Variants in SPTBN1 observed in about 807,000 individuals in gnomAD.
The protein encoded by SPTBN1 is spectrin beta chain, non-erythrocytic 1.
A neutral mutation model predicts 266.4 loss-of-function variants in SPTBN1; 32 were observed. The ratio of observed to expected loss-of-function variants is 0.12; its 90% CI spans 0.09 to 0.16. The LOEUF is 0.16. SPTBN1 is among the 10% of genes least tolerant of loss of function. The pLI is 1.00. For missense variants in SPTBN1, 2,296 were observed against 3,067.1 expected, an observed-to-expected ratio of 0.75 and a Z score of 5.94; for synonymous variants, 1,336 against 1,162.2, an observed-to-expected ratio of 1.15 and a Z score of -3.04.
chr2:54,497,284 T>A (rs190231776), intron 1 of SPTBN1, among the ~76,000 whole-genome samples: 31 of 152,348 alleles, frequency 2.0e-4, no homozygotes, highest in Admixed American at 1.6e-3. Context: ...ACAGGTATTA[T>A]ATTGGCTTCA....
At chr2:54,585,786 G>A (rs1429902527) in intron 2 of SPTBN1, among the ~76,000 whole-genome samples, 1 of 152,140 alleles carries the variant, frequency 6.6e-6, no homozygotes, top group East Asian at 1.9e-4. Flanking sequence ...GGTTGCTGTG[G>A]ACTAATCCAA....
intron 4 of SPTBN1, 66 bp from the exon 5 acceptor site, chr2:54,616,141 G>T: frequency 7.2e-7 from 1 of 1,386,430 alleles, no homozygotes; most frequent in East Asian, 2.4e-5. Context: ...ATGCAGACCT[G>T]TTCTTCAGTG....
intron 2 of SPTBN1, among the ~76,000 whole-genome samples, chr2:54,578,546 A>G (rs1378441737): frequency 6.6e-6 from 1 of 152,160 alleles, no homozygotes; most frequent in Non-Finnish European, 1.5e-5. Flanking sequence ...GAGTTTCCCC[A>G]TAGCAGATAT....
chr2:54,587,282 T>C (rs1354671039), intron 2 of SPTBN1, among the ~76,000 whole-genome samples: 1 of 152,200 alleles, frequency 6.6e-6, no homozygotes, highest in Non-Finnish European at 1.5e-5. Flanking sequence ...GAATGTAATA[T>C]TTACTGCTTC....
In SPTBN1 at chr2:54,644,509, G is replaced by A. The variant is rs754643448; in HGVS notation, c.4192G>A (p.Gly1398Ser). Residue 1398 changes from glycine (G) to serine (S), a missense_variant, in exon 20 of 36, where the codon GGC (glycine) becomes AGC (serine). Physicochemically the swap from Gly to Ser is moderately conservative, Grantham distance 56. Coordinates refer to ENST00000356805, the MANE Select transcript of SPTBN1 (RefSeq NM_003128.3). ...TGCAGATCTAGACAAATGGCTGCAC[G>A]GCCTGGAGAGTCAGATTCAGTCTGA... ...SCADLDKWLH[G>S]LESQIQSDDY... The A allele has an allele frequency of 8.1e-6, 13 of 1,614,146 alleles. No individual in the cohort carries two copies. In the South Asian group the frequency reaches 1.1e-4, roughly 14 times the overall value.
rs139288155 is a variant in SPTBN1 at position 54,473,411 on chromosome 2, C to A, written c.-48+16893C>A. On this transcript the variant is annotated intron_variant, in intron 1 of 35. Coordinates refer to ENST00000356805, the MANE Select transcript of SPTBN1 (RefSeq NM_003128.3). ...AAATGAATTCTATATGGCATTGTTGCCATGTTGGAAAATTTCTTTATTGAG... is the reference window on the plus strand; with the variant it reads ...AAATGAATTCTATATGGCATTGTTGACATGTTGGAAAATTTCTTTATTGAG... Among the ~76,000 whole-genome samples, 37 of 152,104 alleles carry A rather than the reference C, an allele frequency of 2.4e-4. No individual in the cohort carries two copies. In the East Asian group the frequency reaches 6.9e-3, roughly 29 times the overall value.
chr2:54,570,496 G>C (rs1398874084), intron 2 of SPTBN1, among the ~76,000 whole-genome samples: 4 of 152,188 alleles, frequency 2.6e-5, no homozygotes. Flanking sequence ...TTCTACGCTG[G>C]TGGCAAGGAA....
At position 54,646,783 on chromosome 2, in the gene SPTBN1, G is replaced by A. The variant is rs1381743523; in HGVS notation, c.4866+308G>A. 2.0e-5 allele frequency among the ~76,000 whole-genome samples: 3 copies of A among 152,200 alleles called. No individual in the cohort carries two copies. The highest frequency in any genetic ancestry group is 1.5e-5 in the Non-Finnish European group (1 of 68,026). ...TTTACAAAATACAGGATGGCTTGGA[G>A]ACAATTTGAAAGTATTGCAAGGTTC... is the stretch of plus-strand genomic sequence containing the variant. On this transcript the variant is annotated intron_variant, in intron 23 of 35. Coordinates refer to ENST00000356805, the MANE Select transcript of SPTBN1 (RefSeq NM_003128.3). This position sits in a 1 kb window ranked among gnomAD's most constrained non-coding sequence, Gnocchi z 4.4.
At chr2:54,531,055 G>A (rs1050662915) in intron 2 of SPTBN1, among the ~76,000 whole-genome samples, 12 of 152,292 alleles carry the variant, frequency 7.9e-5, no homozygotes, top group Non-Finnish European at 1.8e-4. Flanking sequence ...CCTCACCCCA[G>A]TACCTTGCCC....
intron 19 of SPTBN1, among the ~76,000 whole-genome samples, 164 bp from the exon 20 acceptor site, chr2:54,644,159 G>A (rs1031761256): frequency 5.9e-5 from 9 of 152,108 alleles, no homozygotes; most frequent in African/African-American, 2.2e-4. Flanking sequence ...ACACAACCTA[G>A]GGGTCGTTGT....
chr2:54,604,442 G>T (rs1230222532), intron 3 of SPTBN1, among the ~76,000 whole-genome samples: 1 of 151,928 alleles, frequency 6.6e-6, no homozygotes, highest in African/African-American at 2.4e-5. Context: ...AAATCCTGAT[G>T]CCTTGCAGAG....
At chr2:54,583,537 T>C (rs1432641957) in intron 2 of SPTBN1, among the ~76,000 whole-genome samples, 1 of 152,194 alleles carries the variant, frequency 6.6e-6, no homozygotes, top group African/African-American at 2.4e-5. Flanking sequence ...GTTTGAAAAC[T>C]ACTCCCCTGG....
intron 32 of SPTBN1, chr2:54,661,740 A>G: frequency 2.0e-6 from 2 of 985,522 alleles, no homozygotes; most frequent in Non-Finnish European, 2.4e-6. Flanking sequence ...GTTTTCATAT[A>G]TATATGTGTG....
chr2:54,573,489 G>A (rs1674232284), intron 2 of SPTBN1, among the ~76,000 whole-genome samples: 1 of 152,156 alleles, frequency 6.6e-6, no homozygotes. Context: ...CTGCTGTGTG[G>A]CCGGTTCCTA....
intron 17 of SPTBN1, among the ~76,000 whole-genome samples, chr2:54,633,408 C>CGTGT (rs370440106): frequency 7.8e-4 from 114 of 146,784 alleles, no homozygotes; most frequent in African/African-American, 2.6e-3. Context: ...TTTTTATTTA[C>CGTGT]GTGTGTGTGT....
rs377209457 is a variant in SPTBN1 at position 54,562,072 on chromosome 2, C to G, written c.148+35506C>G. ...ACCTGCAAAATTAAGTTATCACTTT[C>G]CTCAGAATCAGTTCATGTATCGTAT... On this transcript the variant is annotated intron_variant, in intron 2 of 35. Coordinates refer to ENST00000356805, the MANE Select transcript of SPTBN1 (RefSeq NM_003128.3). Among the ~76,000 whole-genome samples the G allele has an allele frequency of 1.4e-3, 206 of 152,282 alleles. 4 individuals carry two copies. In the South Asian group the frequency reaches 0.036, roughly 27 times the overall value.
chr2:54,460,769 TG>T (rs542617470), intron 1 of SPTBN1, among the ~76,000 whole-genome samples: 1 of 151,880 alleles, frequency 6.6e-6, no homozygotes, highest in Non-Finnish European at 1.5e-5. Context: ...GGATGCCGAG[TG>T]GGGGCGGATC....
At chr2:54,478,349 C>A (rs969689632) in intron 1 of SPTBN1, among the ~76,000 whole-genome samples, 4 of 152,082 alleles carry the variant, frequency 2.6e-5, no homozygotes, top group African/African-American at 9.7e-5. Flanking sequence ...CCTCACTCTT[C>A]AAGGACCTGT....
intron 18 of SPTBN1, 72 bp from the exon 19 acceptor site, chr2:54,642,898 TATGACATAAACAC>T: frequency 6.6e-7 from 1 of 1,515,538 alleles, no homozygotes; most frequent in South Asian, 1.3e-5. Context: ...GTATGCATAA[TATGACATAAACAC>T]AACCCTTTCC....
Sources: allele counts gnomAD v4.1 joint callset (sites outside exome capture counted in the v4.1 genomes callset), GRCh38; gene constraint gnomAD v4.1.1; non-coding constraint Gnocchi (gnomAD v3.1); transcripts MANE v1.5; gene names NCBI Gene and HGNC (gene_info 2026-07-23, HGNC 2026-07-21).